Variants in ASB4 observed in about 807,000 individuals in gnomAD.
ASB4 encodes the protein ankyrin repeat and SOCS box containing 4.
A neutral mutation model predicts 38.6 loss-of-function variants in ASB4; 35 were observed. The ratio of observed to expected loss-of-function variants is 0.91; its 90% CI spans 0.69 to 1.20. The LOEUF (loss-of-function observed/expected upper bound fraction) is 1.20, where lower values mean the gene tolerates loss of function less well. ASB4 is among the 50% of genes most tolerant of loss of function. ASB4 has a pLI of 0.00. For synonymous variants in ASB4, 195 were observed against 201.3 expected, an observed-to-expected ratio of 0.97 and a Z score of 0.26; for missense variants, 557 against 527.2, an observed-to-expected ratio of 1.06 and a Z score of -0.55.
At chr7:95,515,211 TTCTTTC>T (rs1790546967) in intron 2 of ASB4, among the ~76,000 whole-genome samples, 2 of 132,886 alleles carry the variant, frequency 1.5e-5, no homozygotes. Context: ...CTTTCTTTCT[TTCTTTC>T]TTTCTTTCTT....
chr7:95,527,183 GTGCA>G (rs1790748675), intron 2 of ASB4, among the ~76,000 whole-genome samples: 1 of 152,072 alleles, frequency 6.6e-6, no homozygotes, highest in Non-Finnish European at 1.5e-5. Context: ...GTGTGTGTGT[GTGCA>G]TGTGTATGTG....
chr7:95,493,954 C>T (rs910639712), intron 1 of ASB4, among the ~76,000 whole-genome samples: 2 of 152,064 alleles, frequency 1.3e-5, no homozygotes, highest in South Asian at 2.1e-4. Context: ...TTTAACCATT[C>T]GAACAATGCT....
chr7:95,480,651 T>C (rs1253324270), intron 1 of ASB4, among the ~76,000 whole-genome samples: 4 of 152,156 alleles, frequency 2.6e-5, no homozygotes, highest in Non-Finnish European at 5.9e-5. Context: ...GTTAGCTAAG[T>C]GACTGAGCCA....
At chr7:95,493,347 A>G (rs1376765810) in intron 1 of ASB4, among the ~76,000 whole-genome samples, 1 of 147,992 alleles carries the variant, frequency 6.8e-6, no homozygotes, top group African/African-American at 2.5e-5. Context: ...TGAATGGAGT[A>G]AAAAAGAGAT....
At chr7:95,549,328 G>A in the ASB4 span, among the ~76,000 whole-genome samples, 55,923 of 122,388 alleles carry the variant, frequency 0.46, 12,022 homozygotes, top group East Asian at 0.81. Context: ...ATGGAGTCTC[G>A]CCCTGTCGCC....
chr7:95,505,610 T>C (rs1048896170), intron 2 of ASB4, among the ~76,000 whole-genome samples: 2 of 151,794 alleles, frequency 1.3e-5, no homozygotes, highest in African/African-American at 4.8e-5. Context: ...TAAGTAGCAA[T>C]AGAAGCAGCT....
At chr7:95,484,038 A>AAT (rs1790049852), upstream of ASB4, among the ~76,000 whole-genome samples, 1 of 151,738 alleles carries the variant, frequency 6.6e-6, no homozygotes, top group African/African-American at 2.4e-5. Context: ...AAAAAAAAAA[A>AAT]AAAAAATTGT....
chr7:95,476,252 G>A (rs888453585), upstream of ASB4, among the ~76,000 whole-genome samples: 1 of 152,348 alleles, frequency 6.6e-6, no homozygotes, highest in South Asian at 2.1e-4. Flanking sequence ...TGTTCAAATT[G>A]TGGTATGCAG....
chr7:95,505,814 T>C (rs1790400712), intron 2 of ASB4, among the ~76,000 whole-genome samples: 1 of 152,156 alleles, frequency 6.6e-6, no homozygotes, highest in Non-Finnish European at 1.5e-5. Flanking sequence ...GAAAACTGTC[T>C]TATTTCATTC....
intron 2 of ASB4, among the ~76,000 whole-genome samples, chr7:95,505,937 A>G (rs550028332): frequency 6.6e-6 from 1 of 152,212 alleles, no homozygotes; most frequent in South Asian, 2.1e-4. Context: ...TCTGTCACCC[A>G]GGCTAGAATG....
At chr7:95,540,808 C>T (rs920477651), downstream of ASB4, among the ~76,000 whole-genome samples, 6 of 152,156 alleles carry the variant, frequency 3.9e-5, no homozygotes, top group African/African-American at 1.4e-4. Context: ...CTACTTTGTC[C>T]TTCCATTCTA....
At chr7:95,482,867 A>AT (rs1219794864), upstream of ASB4, among the ~76,000 whole-genome samples, 1 of 152,034 alleles carries the variant, frequency 6.6e-6, no homozygotes, top group East Asian at 1.9e-4. Context: ...CTTTGATGGG[A>AT]TGGGGGGTGG....
chr7:95,512,203 C>G (rs1251991030), intron 2 of ASB4, among the ~76,000 whole-genome samples: 1 of 152,182 alleles, frequency 6.6e-6, no homozygotes, highest in Non-Finnish European at 1.5e-5. Context: ...AAGAGGAACT[C>G]AAGGACAGTG....
rs747451430 is a variant in ASB4 at position 95,528,084 on chromosome 7, A to C, written c.759A>C (p.Lys253Asn). The C allele has an allele frequency of 1.5e-5, 25 of 1,614,070 alleles. No homozygotes were observed. The highest frequency in any genetic ancestry group is 2.1e-5 in the Non-Finnish European group (25 of 1,180,022). The change falls in exon 3 of 5, where the codon AAA (lysine) becomes AAC (asparagine). Residue 253 changes from lysine (K) to asparagine (N), a missense_variant. By Grantham distance (94) the Lys-to-Asn change is moderately conservative. Transcript: ENST00000325885. ...AEVNARDDDF[K>N]SPLHKAAWNC... ...TCAATGCCCGAGATGACGACTTTAA[A>C]TCTCCCCTCCACAAGGCAGCCTGGA... is the stretch of plus-strand genomic sequence containing the variant.
Position 95,539,906 on chromosome 7 carries a change from A to G in ASB4, c.*2147A>G, listed in dbSNP as rs1255062182. Reference sequence around the variant, plus strand: ...TGAAATCTTAAAATAGTAATAATTAACAAAGTAAAACAAGATCACACCCTG... The same window carrying G: ...TGAAATCTTAAAATAGTAATAATTAGCAAAGTAAAACAAGATCACACCCTG... On this transcript the variant is annotated 3_prime_UTR_variant, in exon 5 of 5. Transcript: ENST00000325885. 2.6e-5 allele frequency: 4 copies of G among 152,332 alleles called. No individual in the cohort carries two copies. Among genetic ancestry groups the G allele is most frequent in the Admixed American group, 2.6e-4 (4 of 15,304 alleles). 9.4% of individuals were successfully genotyped at this position (152,332 alleles called of 1,614,324 possible). A position where few individuals can be genotyped will look rare whatever the true frequency, so the allele number is the denominator to read the frequency against.
chr7:95,534,162 TG>T (rs1198387392), intron 3 of ASB4, among the ~76,000 whole-genome samples: 1 of 152,124 alleles, frequency 6.6e-6, no homozygotes, highest in Non-Finnish European at 1.5e-5. Context: ...CTTACCAACA[TG>T]GTGAAACCTC....
intron 2 of ASB4, among the ~76,000 whole-genome samples, chr7:95,514,015 C>T (rs1790521378): frequency 6.6e-6 from 1 of 152,226 alleles, no homozygotes; most frequent in South Asian, 2.1e-4. Context: ...ATCTGCATTT[C>T]ACTCCAGGTC....
At chr7:95,482,602 C>A (rs923572166), upstream of ASB4, among the ~76,000 whole-genome samples, 3 of 152,156 alleles carry the variant, frequency 2.0e-5, no homozygotes, top group Non-Finnish European at 4.4e-5. Flanking sequence ...TTTCAAGGAC[C>A]ACGCCTGAAG....
Position 95,528,247 on chromosome 7 carries a change from T to C in ASB4, c.922T>C (p.Tyr308His). 6.2e-7 allele frequency: 1 copy of C among 1,614,194 alleles called. No homozygotes were observed. Among genetic ancestry groups the C allele is most frequent in the Non-Finnish European group, 8.5e-7 (1 of 1,180,034 alleles). ...VRPAAQPEIC[Y>H]QLLLNHGAAR... Reference sequence around the variant, plus strand: ...CCCTGCTGCCCAGCCTGAGATCTGCTACCAGCTCCTGTTGAACCATGGGGC... The same window carrying C: ...CCCTGCTGCCCAGCCTGAGATCTGCCACCAGCTCCTGTTGAACCATGGGGC... Residue 308 changes from tyrosine (Y) to histidine (H), a missense_variant, in exon 3 of 5, where the codon TAC (tyrosine) becomes CAC (histidine). Physicochemically the swap from Tyr to His is moderately conservative, Grantham distance 83 (BLOSUM62 2). Transcript: ENST00000325885.
Sources: gnomAD v4.1 joint callset for allele counts (sites outside exome capture counted in the v4.1 genomes callset) on GRCh38, gnomAD v4.1.1 for gene constraint, MANE v1.5 for transcripts, NCBI Gene and HGNC (gene_info 2026-07-23, HGNC 2026-07-21) for gene names.